NT5C1A: variants seen among roughly 807,000 people sequenced by gnomAD.
The protein encoded by NT5C1A is 5'-nucleotidase, cytosolic IA, also known as cytosolic 5'-nucleotidase 1A.
A neutral mutation model predicts 31.0 loss-of-function variants in NT5C1A; 18 were observed. The observed-to-expected ratio is 0.58, with a 90% confidence interval of 0.40 to 0.86. The LOEUF is 0.86. NT5C1A is among the 40% of genes least tolerant of loss of function. The pLI is 0.00. For missense variants in NT5C1A, 470 were observed against 505.4 expected (o/e 0.93, Z 0.67); for synonymous variants, 185 against 203.6 (o/e 0.91, Z 0.78).
intron 1 of NT5C1A, among the ~76,000 whole-genome samples, chr1:39,668,524 G>C (rs1457148049): frequency 1.3e-5 from 2 of 152,142 alleles, no homozygotes; most frequent in African/African-American, 2.4e-5. Context: ...TTTCCAGATG[G>C]GGAAACAGGC....
rs140346943 is a variant in NT5C1A at position 39,665,612 on chromosome 1, G to A, written c.342C>T (p.Tyr114=). The part of the protein sequence containing the change: ...EAVNRRLREL[Y]PDSEDVFDIV... Reference sequence around the variant, plus strand: ...TGTCGAAGACGTCCTCACTATCAGGGTACAGCTCCCGCAGCCGCCTGTTCA... The same window carrying A: ...TGTCGAAGACGTCCTCACTATCAGGATACAGCTCCCGCAGCCGCCTGTTCA... The change falls in exon 3 of 6, where the codon TAC becomes TAT. Residue 114 remains tyrosine (Y), a synonymous_variant. Coordinates refer to ENST00000235628, the MANE Select transcript of NT5C1A (RefSeq NM_032526.3). 6.2e-7 allele frequency: 1 copy of A among 1,613,330 alleles called. No homozygotes were observed. Among genetic ancestry groups the A allele is most frequent in the Non-Finnish European group, 8.5e-7 (1 of 1,179,912 alleles).
chr1:39,664,379 C>A (rs1468812487), intron 3 of NT5C1A, among the ~76,000 whole-genome samples: 1 of 147,304 alleles, frequency 6.8e-6, no homozygotes, highest in African/African-American at 2.5e-5. Context: ...AATCTCCTGA[C>A]CTCGTGATCC....
chr1:39,657,434 C>A lies in NT5C1A; in HGVS notation c.*1687G>T, dbSNP rs1364401585. On this transcript the variant is annotated 3_prime_UTR_variant, in exon 6 of 6. Coordinates refer to ENST00000235628, the MANE Select transcript of NT5C1A (RefSeq NM_032526.3). Reference sequence around the variant, plus strand: ...CTTCCCCTATTTCCTACCACCACATCTCCAGGCTTCTGCCCCTCTCATGAT... The same window carrying A: ...CTTCCCCTATTTCCTACCACCACATATCCAGGCTTCTGCCCCTCTCATGAT... Among the ~76,000 whole-genome samples, 3 of 152,242 alleles carry A rather than the reference C, an allele frequency of 2.0e-5. No homozygotes were observed. Among genetic ancestry groups the A allele is most frequent in the Non-Finnish European group, 4.4e-5 (3 of 68,044 alleles).
chr1:39,662,263 C>T (rs1370866802), intron 4 of NT5C1A, among the ~76,000 whole-genome samples: 1 of 152,202 alleles, frequency 6.6e-6, no homozygotes, highest in Non-Finnish European at 1.5e-5. Flanking sequence ...CCTGAGGATA[C>T]TACAAGCAGG....
Position 39,672,008 on chromosome 1 carries a change from C to G in NT5C1A, c.31G>C (p.Glu11Gln). Residue 11 changes from glutamate to glutamine, a missense_variant, in exon 1 of 6, where the codon GAG (glutamate) becomes CAG (glutamine). Glu to Gln is a conservative substitution (Grantham distance 29, BLOSUM62 2). Coordinates refer to ENST00000235628, the MANE Select transcript of NT5C1A (RefSeq NM_032526.3). ...GCTCCTGGCCCGGGCTCGCGGGGCT[C>G]CTGGGGCTCCCGGGGCTGCCCAGGT... The part of the protein sequence containing the change: MEPGQPREPQ[E>Q]PREPGPGAET... 6.2e-7 allele frequency: 1 copy of G among 1,606,186 alleles called. No individual in the cohort carries two copies. Among genetic ancestry groups the G allele is most frequent in the Non-Finnish European group, 8.5e-7 (1 of 1,179,190 alleles).
At position 39,656,118 on chromosome 1, in the gene NT5C1A, G is replaced by A. The variant is rs958641389; in HGVS notation, c.*3003C>T. ...TAAGCAGCAGTCCCATTGGCTCTGG[G>A]ATTTTGCTGGCAGGCATCTCCTGGA... is the stretch of plus-strand genomic sequence containing the variant. On this transcript the variant is annotated 3_prime_UTR_variant, in exon 6 of 6. Coordinates refer to ENST00000235628, the MANE Select transcript of NT5C1A (RefSeq NM_032526.3). Among the ~76,000 whole-genome samples the A allele has an allele frequency of 3.3e-5, 5 of 152,294 alleles. No homozygotes were observed. The highest frequency in any genetic ancestry group is 3.3e-4 in the Admixed American group (5 of 15,290).
At position 39,653,085 on chromosome 1, in the gene NT5C1A, G is replaced by A. The variant is rs7542429; in HGVS notation, c.*6036C>T. Among the ~76,000 whole-genome samples the A allele has an allele frequency of 0.15, 23,006 of 152,086 alleles. 1,872 individuals are homozygous for A. Among genetic ancestry groups the A allele is most frequent in the South Asian group, 0.3 (1,449 of 4,812 alleles). On this transcript the variant is annotated 3_prime_UTR_variant, in exon 6 of 6. Transcript: ENST00000235628. ...CACGTTGGCCTTGGCACTGTTAGGG[G>A]GAGGGAAGAAACAAATGGAGATGAT...
Position 39,655,010 on chromosome 1 carries a change from C to T in NT5C1A, c.*4111G>A, listed in dbSNP as rs181538188. On this transcript the variant is annotated 3_prime_UTR_variant, in exon 6 of 6. Transcript: ENST00000235628. ...AGGCTGGAGTGCAGTGGCGTGATCTCGGTTCACTGCAACCTCCGCCTTCCG... is the reference window on the plus strand; with the variant it reads ...AGGCTGGAGTGCAGTGGCGTGATCTTGGTTCACTGCAACCTCCGCCTTCCG... Among the ~76,000 whole-genome samples the T allele has an allele frequency of 2.1e-3, 320 of 152,122 alleles. No homozygotes were observed. The highest frequency in any genetic ancestry group is 3.6e-3 in the Non-Finnish European group (243 of 67,980).
In NT5C1A at chr1:39,657,069, C is replaced by T. The variant is rs1279203487; in HGVS notation, c.*2052G>A. ...CAGTGGAAATGACCTCGTGCAAAGACATTATCATATGCCCTTCCAGGGGCA... is the reference window on the plus strand; with the variant it reads ...CAGTGGAAATGACCTCGTGCAAAGATATTATCATATGCCCTTCCAGGGGCA... On this transcript the variant is annotated 3_prime_UTR_variant, in exon 6 of 6. Transcript: ENST00000235628. Among the ~76,000 whole-genome samples, 1 of 152,212 alleles carries T rather than the reference C, an allele frequency of 6.6e-6. No individual in the cohort carries two copies. The highest frequency in any genetic ancestry group is 1.5e-5 in the Non-Finnish European group (1 of 68,038).
intron 3 of NT5C1A, among the ~76,000 whole-genome samples, chr1:39,665,278 C>T (rs549083558): frequency 7.9e-5 from 12 of 152,340 alleles, no homozygotes; most frequent in Non-Finnish European, 1.6e-4. Context: ...TTTTGTGAGC[C>T]ATTTGTGTTG....
chr1:39,661,230 C>T lies in NT5C1A; in HGVS notation c.590G>A (p.Arg197Lys), dbSNP rs1329041463. The T allele has an allele frequency of 3.8e-6, 6 of 1,589,536 alleles. No homozygotes were observed. The highest frequency in any genetic ancestry group is 5.2e-6 in the Non-Finnish European group (6 of 1,159,796). ...CTGACTCTGGGACACAACCACATCC[C>T]TGCTGGGGCTGAAGATGGTGGCAGC... ...IAAATIFSPS[R>K]DVVVSQSQLR... The change falls in exon 5 of 6, where the codon AGG becomes AAG. Residue 197 changes from arginine to lysine, a missense_variant. Coordinates refer to ENST00000235628, the MANE Select transcript of NT5C1A (RefSeq NM_032526.3).
chr1:39,664,336 A>T (rs1646506927), intron 3 of NT5C1A, among the ~76,000 whole-genome samples: 1 of 149,250 alleles, frequency 6.7e-6, no homozygotes, highest in African/African-American at 2.5e-5. Context: ...TTGTATTTTT[A>T]GTAGAGACGC....
chr1:39,662,186 C>T (rs560992637), intron 4 of NT5C1A, among the ~76,000 whole-genome samples: 1 of 152,352 alleles, frequency 6.6e-6, no homozygotes, highest in South Asian at 2.1e-4. Context: ...AACTGAGGAT[C>T]ACAGAGGCTG....
chr1:39,671,600 T>C (rs1286944999), intron 1 of NT5C1A, among the ~76,000 whole-genome samples: 4 of 152,038 alleles, frequency 2.6e-5, no homozygotes, highest in African/African-American at 9.7e-5. Context: ...CGCCAACAAG[T>C]GCAATCCGCG....
chr1:39,662,625 TAAAG>T (rs2124154170), intron 4 of NT5C1A, among the ~76,000 whole-genome samples: 1 of 152,268 alleles, frequency 6.6e-6, no homozygotes, highest in East Asian at 1.9e-4. Context: ...TGTTGGTTGA[TAAAG>T]AAACTTGCCA....
At position 39,654,288 on chromosome 1, in the gene NT5C1A, C is replaced by T. The variant is rs550397763; in HGVS notation, c.*4833G>A. Among the ~76,000 whole-genome samples, 13 of 152,316 alleles carry T rather than the reference C, an allele frequency of 8.5e-5. No homozygotes were observed. In the East Asian group the frequency reaches 2.1e-3, roughly 25 times the overall value. On this transcript the variant is annotated 3_prime_UTR_variant, in exon 6 of 6. Coordinates refer to ENST00000235628, the MANE Select transcript of NT5C1A (RefSeq NM_032526.3). ...CTCACTTGATCAGTAACTTCTGAAC[C>T]GGCTAAAGTCCTCACGGGACCCTCT...
rs1363129538 is a variant in NT5C1A, at chr1:39,652,555, G to A, written c.*6566C>T. 7.9e-5 allele frequency among the ~76,000 whole-genome samples: 12 copies of A among 152,102 alleles called. No homozygotes were observed. On this transcript the variant is annotated 3_prime_UTR_variant, in exon 6 of 6. Coordinates refer to ENST00000235628, the MANE Select transcript of NT5C1A (RefSeq NM_032526.3). ...GGTGACCTCAGTGATTTTCTTGGTG[G>A]CTTCTTGGTGGCAGTTAGCTACAAG...
At chr1:39,667,779 T>C (rs1303049358) in intron 1 of NT5C1A, among the ~76,000 whole-genome samples, 4 of 152,228 alleles carry the variant, frequency 2.6e-5, no homozygotes, top group African/African-American at 9.7e-5. Flanking sequence ...AATGGAACTT[T>C]CTATGATAAT....
chr1:39,664,704 GT>G (rs1443223161), intron 3 of NT5C1A, among the ~76,000 whole-genome samples: 2 of 150,280 alleles, frequency 1.3e-5, no homozygotes, highest in Non-Finnish European at 3.0e-5. Context: ...TGTTAGGCTG[GT>G]TTTGAACTCC....
Sources: gnomAD v4.1 joint callset for allele counts (sites outside exome capture counted in the v4.1 genomes callset) on GRCh38, gnomAD v4.1.1 for gene constraint, MANE v1.5 for transcripts, NCBI Gene and HGNC (gene_info 2026-07-23, HGNC 2026-07-21) for gene names.